The following TH variants were observed in gnomAD, a reference collection of about 807,000 sequenced individuals.
The protein encoded by TH is tyrosine hydroxylase.
A neutral mutation model predicts 57.4 loss-of-function variants in TH; 49 were observed. The ratio of observed to expected loss-of-function variants is 0.85; its 90% CI spans 0.68 to 1.08. The LOEUF is 1.08. Among genes scored for constraint, TH ranks in the 50% least tolerant of loss-of-function variants. The pLI is 0.00. For synonymous variants in TH, 330 were observed against 304.5 expected, an observed-to-expected ratio of 1.08 and a Z score of -0.87; for missense variants, 720 against 696.7, an observed-to-expected ratio of 1.03 and a Z score of -0.38.
Position 2,170,463 on chromosome 11 carries a change from G to C in TH, c.91-592C>G, listed in dbSNP as rs1846222751. Among the ~76,000 whole-genome samples the C allele has an allele frequency of 1.3e-5, 2 of 152,140 alleles. No individual in the cohort carries two copies. The highest frequency in any genetic ancestry group is 6.5e-5 in the Admixed American group (1 of 15,286). ...ACCCTTTGTCATAGCTCTGGGCGCA[G>C]GTGTCTCTCCCTGGGCTCAGCGCCT... On this transcript the variant is annotated intron_variant, in intron 1 of 12. Coordinates refer to ENST00000352909, the MANE Select transcript of TH (RefSeq NM_000360.4). This position sits in a 1 kb window ranked among gnomAD's most constrained non-coding sequence, Gnocchi z 6.0.
At chr11:2,168,413 G>A in intron 3 of TH, 78 bp downstream of exon 3, 1 of 1,580,948 alleles carries the variant, frequency 6.3e-7, no homozygotes, top group Non-Finnish European at 8.6e-7. Flanking sequence ...GGTCACTGTA[G>A]GGTCCCCCTG....
In TH at chr11:2,165,269, C is replaced by G; in HGVS notation, c.1297G>C (p.Val433Leu). ...TTGGCGTCACTGAAGCTCTCAGACA[C>G]GAAGTAGACTGACTGGTACGTCTGG... is the stretch of plus-strand genomic sequence containing the variant. ...QDQTYQSVYF[V>L]SESFSDAKDK... Residue 433 changes from valine to leucine, a missense_variant, in exon 12 of 13, where the codon GTG becomes CTG. Coordinates refer to ENST00000352909, the MANE Select transcript of TH (RefSeq NM_000360.4). 1.2e-6 allele frequency: 2 copies of G among 1,612,916 alleles called. No individual in the cohort carries two copies. The highest frequency in any genetic ancestry group is 8.5e-7 in the Non-Finnish European group (1 of 1,179,998).
At chr11:2,167,745 G>A in intron 5 of TH, 121 bp downstream of exon 5, 2 of 1,281,330 alleles carry the variant, frequency 1.6e-6, no homozygotes, top group Non-Finnish European at 2.2e-6. Flanking sequence ...AGAGCTGCCT[G>A]GCAGGAGGCA....
Position 2,171,768 on chromosome 11 carries a change from T to C in TH, c.19A>G (p.Thr7Ala). The C allele has an allele frequency of 6.2e-7, 1 of 1,612,366 alleles. No homozygotes were observed. Among genetic ancestry groups the C allele is most frequent in the Non-Finnish European group, 8.5e-7 (1 of 1,179,792 alleles). Residue 7 changes from threonine to alanine, a missense_variant, in exon 1 of 13, where the codon ACC becomes GCC. Thr to Ala is a moderately conservative substitution (Grantham distance 58, BLOSUM62 0). Coordinates refer to ENST00000352909, the MANE Select transcript of TH (RefSeq NM_000360.4). This position sits in a 1 kb window ranked among gnomAD's most constrained non-coding sequence, Gnocchi z 8.6. MPTPDA[T>A]TPQAKGFRRA... ...CGGAAGCCCTTGGCCTGTGGCGTGG[T>C]GGCGTCGGGGGTGGGCATGGCTCAG...
Position 2,171,680 on chromosome 11 carries a change from C to T in TH, c.90+17G>A, listed in dbSNP as rs1303771401. The T allele has an allele frequency of 3.1e-6, 5 of 1,610,384 alleles. No individual in the cohort carries two copies. Among genetic ancestry groups the T allele is most frequent in the Non-Finnish European group, 4.2e-6 (5 of 1,179,570 alleles). ...TCCGGTCCACTGCGGCCGCCGGGCA[C>T]CTACCTGCCCTCTTACCATGATGGC... is the stretch of plus-strand genomic sequence containing the variant. On this transcript the variant is annotated intron_variant, in intron 1 of 12. Coordinates refer to ENST00000352909, the MANE Select transcript of TH (RefSeq NM_000360.4). This position sits in a 1 kb window ranked among gnomAD's most constrained non-coding sequence, Gnocchi z 8.6.
In TH at chr11:2,171,547, C is replaced by T; in HGVS notation, c.90+150G>A. On this transcript the variant is annotated intron_variant, in intron 1 of 12. Coordinates refer to ENST00000352909, the MANE Select transcript of TH (RefSeq NM_000360.4). The surrounding 1 kb of genome is among the most constrained non-coding windows in gnomAD (Gnocchi z 8.6). Reference sequence around the variant, plus strand: ...ACCAGGCACAGGGGATGCCGCTGTGCCCAGGCCTCCACATCCACGCCGCGT... The same window carrying T: ...ACCAGGCACAGGGGATGCCGCTGTGTCCAGGCCTCCACATCCACGCCGCGT... 2 of 792,966 alleles carry T rather than the reference C, an allele frequency of 2.5e-6. No individual in the cohort carries two copies. The highest frequency in any genetic ancestry group is 4.1e-6 in the Non-Finnish European group (2 of 483,362). The allele number at this position is 792,966 out of a possible 1,614,324, so 49.1% of individuals were successfully genotyped here. A position where few individuals can be genotyped will look rare whatever the true frequency, so the allele number is the denominator to read the frequency against.
At chr11:2,166,447 G>A (rs1446602528) in intron 9 of TH, 33 bp downstream of exon 9, 4 of 1,546,264 alleles carry the variant, frequency 2.6e-6, no homozygotes, top group African/African-American at 1.4e-5. Flanking sequence ...CAGCCCCTGG[G>A]TGACCCCGGC....
intron 4 of TH, 68 bp from the exon 5 acceptor site, chr11:2,168,001 C>T: frequency 1.2e-6 from 2 of 1,610,254 alleles, no homozygotes; most frequent in Non-Finnish European, 1.7e-6. Flanking sequence ...ACGGAGGCTC[C>T]TGGAGCCGAC....
Position 2,166,761 on chromosome 11 carries a change from C to T in TH, c.849G>A (p.Thr283=), listed in dbSNP as rs892319076. The T allele has an allele frequency of 1.3e-6, 2 of 1,549,018 alleles. No homozygotes were observed. The highest frequency in any genetic ancestry group is 1.7e-6 in the Non-Finnish European group (2 of 1,146,508). The change falls in exon 8 of 13, where the codon ACG becomes ACA. Residue 283 remains threonine (T), a synonymous_variant. Coordinates refer to ENST00000352909, the MANE Select transcript of TH (RefSeq NM_000360.4). ...EDVSRFLKER[T]GFQLRPVAGL... is the part of the protein sequence containing the mutation. ...CGGCCACAGGCCGCAGCTGGAAGCC[C>T]GTGCGCTCTGCAAGGGGCCACGCGG...
chr11:2,168,041 A>C, intron 4 of TH, 50 bp downstream of exon 4: 6 of 1,609,992 alleles, frequency 3.7e-6, no homozygotes, highest in Non-Finnish European at 5.1e-6. Context: ...GGCTAAGGGT[A>C]GGGGATGTGA....
intron 12 of TH, among the ~76,000 whole-genome samples, 183 bp from the exon 13 acceptor site, chr11:2,164,575 T>C (rs1311428603): frequency 6.6e-6 from 1 of 152,002 alleles, no homozygotes; most frequent in Non-Finnish European, 1.5e-5. Flanking sequence ...AGGGGGTTCA[T>C]GGGGGAGATA....
rs369893759 is a variant in TH, at chr11:2,171,636, G to A, written c.90+61C>T. 4 of 1,570,996 alleles carry A rather than the reference G, an allele frequency of 2.5e-6. No individual in the cohort carries two copies. The highest frequency in any genetic ancestry group is 3.5e-6 in the Non-Finnish European group (4 of 1,152,044). On this transcript the variant is annotated intron_variant, in intron 1 of 12. Coordinates refer to ENST00000352909, the MANE Select transcript of TH (RefSeq NM_000360.4). The surrounding 1 kb of genome is among the most constrained non-coding windows in gnomAD (Gnocchi z 8.6). ...GCCAGGCTGGGGAGTAGCAGAGGCAGCTGGCACCAGCCCTGGGCTCCGGTC... is the reference window on the plus strand; with the variant it reads ...GCCAGGCTGGGGAGTAGCAGAGGCAACTGGCACCAGCCCTGGGCTCCGGTC...
In TH at chr11:2,166,061, G is replaced by T; in HGVS notation, c.1048-3C>A. On this transcript the variant is annotated splice_polypyrimidine_tract_variant and splice_region_variant and intron_variant, in intron 9 of 12. Coordinates refer to ENST00000352909, the MANE Select transcript of TH (RefSeq NM_000360.4). ...CCCAGGGACGCCAGGCCAATGTCCT[G>T]TGGAGCAGGGAGGATGAAGGATGGG... The T allele has an allele frequency of 6.4e-7, 1 of 1,554,272 alleles. No homozygotes were observed.
At position 2,171,635 on chromosome 11, in the gene TH, A is replaced by T; in HGVS notation, c.90+62T>A. ...AGCCAGGCTGGGGAGTAGCAGAGGC[A>T]GCTGGCACCAGCCCTGGGCTCCGGT... On this transcript the variant is annotated intron_variant, in intron 1 of 12. Coordinates refer to ENST00000352909, the MANE Select transcript of TH (RefSeq NM_000360.4). The surrounding 1 kb of genome is among the most constrained non-coding windows in gnomAD (Gnocchi z 8.6). 6.4e-7 allele frequency: 1 copy of T among 1,566,238 alleles called. No individual in the cohort carries two copies. The highest frequency in any genetic ancestry group is 8.7e-7 in the Non-Finnish European group (1 of 1,147,718).
intron 12 of TH, among the ~76,000 whole-genome samples, chr11:2,164,851 C>G (rs564996751): frequency 6.6e-6 from 1 of 152,120 alleles, no homozygotes; most frequent in Non-Finnish European, 1.5e-5. Context: ...ACCAAAGGCC[C>G]CCAGCCCTGG....
Position 2,166,521 on chromosome 11 carries a change from C to G in TH, c.1006G>C (p.Val336Leu). The part of the protein sequence containing the change: ...PDCCHELLGH[V>L]PMLADRTFAQ... The stretch of plus-strand genomic sequence containing the variant: ...AAGGTGCGGTCGGCCAGCATGGGCA[C>G]GTGCCCCAGCAGCTCGTGGCAGCAG... Residue 336 changes from valine (V) to leucine (L), a missense_variant, in exon 9 of 13, where the codon GTG becomes CTG. Coordinates refer to ENST00000352909, the MANE Select transcript of TH (RefSeq NM_000360.4). 1.2e-6 allele frequency: 2 copies of G among 1,601,540 alleles called. No homozygotes were observed. Among genetic ancestry groups the G allele is most frequent in the South Asian group, 2.2e-5 (2 of 89,768 alleles).
intron 12 of TH, among the ~76,000 whole-genome samples, chr11:2,164,775 A>G (rs1846039053): frequency 6.6e-6 from 1 of 152,096 alleles, no homozygotes; most frequent in Non-Finnish European, 1.5e-5. Flanking sequence ...AGGGAAAATG[A>G]TGAGACCTTT....
At chr11:2,169,162 C>T (rs1846186017) in intron 2 of TH, among the ~76,000 whole-genome samples, 2 of 151,878 alleles carry the variant, frequency 1.3e-5, no homozygotes, top group Non-Finnish European at 2.9e-5. Context: ...AAAACTGGCT[C>T]TGGGAGCTGG....
chr11:2,165,444 G>A, intron 11 of TH, 79 bp from the exon 12 acceptor site: 1 of 1,592,886 alleles, frequency 6.3e-7, no homozygotes, highest in Non-Finnish European at 8.5e-7. Context: ...GCCTGACGCT[G>A]GGTGGGTTCC....
Sources: allele counts gnomAD v4.1 joint callset (sites outside exome capture counted in the v4.1 genomes callset), GRCh38; gene constraint gnomAD v4.1.1; non-coding constraint Gnocchi (gnomAD v3.1); transcripts MANE v1.5; gene names NCBI Gene and HGNC (gene_info 2026-07-23, HGNC 2026-07-21).